Variants in MLH3 observed in about 807,000 individuals in gnomAD.
MLH3 encodes the protein mutL homolog 3.
In MLH3, 82 loss-of-function variants were observed where a neutral mutation model predicts 122.2. That is an observed-to-expected ratio of 0.67 (90% CI 0.56 to 0.81). The LOEUF is 0.81. Among genes scored for constraint, MLH3 ranks in the 30% least tolerant of loss-of-function variants. The pLI, the probability that MLH3 is intolerant of heterozygous loss-of-function variation, is 0.00. For missense variants in MLH3, 1,539 were observed against 1,714.5 expected (o/e 0.90, Z 1.81); for synonymous variants, 524 against 599.5 (o/e 0.87, Z 1.84).
chr14:75,018,536 G>A (rs1595022690), intron 12 of MLH3, among the ~76,000 whole-genome samples: 1 of 152,296 alleles, frequency 6.6e-6, no homozygotes. Context: ...TGCATATTAT[G>A]AAACCTAGAG....
chr14:75,039,846 CATATATATATAT>C lies in MLH3; in HGVS notation c.3570+53_3570+64del, dbSNP rs145063005. The C allele has an allele frequency of 1.3e-3, 418 of 321,794 alleles. 2 individuals carry two copies. The highest frequency in any genetic ancestry group is 7.1e-3 in the African/African-American group (202 of 28,254). 19.9% of individuals were successfully genotyped at this position (321,794 alleles called of 1,614,324 possible). ...AAATCAAATTTTAGAAGAGTTAGGC[CATATATATATAT>C]ATATATATATATATATATATATATT... On this transcript the variant is annotated intron_variant, in intron 5 of 12. Coordinates refer to ENST00000355774, the MANE Select transcript of MLH3 (RefSeq NM_001040108.2).
At chr14:75,028,327 C>T (rs1316707823) in intron 9 of MLH3, among the ~76,000 whole-genome samples, 1 of 151,886 alleles carries the variant, frequency 6.6e-6, no homozygotes, top group East Asian at 1.9e-4. Flanking sequence ...GTAGAATATG[C>T]TAAATTATTT....
chr14:75,022,301 C>A (rs183353791), intron 11 of MLH3, among the ~76,000 whole-genome samples: 11 of 152,126 alleles, frequency 7.2e-5, no homozygotes, highest in Non-Finnish European at 1.5e-4. Context: ...ACATGTACCC[C>A]CTGAACCTAA....
intron 9 of MLH3, among the ~76,000 whole-genome samples, chr14:75,028,511 G>A (rs1304597054): frequency 6.6e-6 from 1 of 150,926 alleles, no homozygotes; most frequent in Non-Finnish European, 1.5e-5. Context: ...TCCACCTTCC[G>A]GGTTCAAGCA....
intron 1 of MLH3, 46 bp from the exon 2 acceptor site, chr14:75,049,764 A>G (rs28756976): frequency 7.7e-4 from 813 of 1,060,618 alleles, no homozygotes; most frequent in Non-Finnish European, 1.1e-3. Flanking sequence ...AAGCTTTAGC[A>G]TTACACAGCA....
In MLH3 at chr14:75,039,897, A is replaced by G; in HGVS notation, c.3570+14T>C. 1.1e-6 allele frequency: 1 copy of G among 951,882 alleles called. No individual in the cohort carries two copies. Among genetic ancestry groups the G allele is most frequent in the Non-Finnish European group, 1.6e-6 (1 of 627,840 alleles). 59.0% of individuals were successfully genotyped at this position (951,882 alleles called of 1,614,324 possible). On this transcript the variant is annotated intron_variant, in intron 5 of 12. Coordinates refer to ENST00000355774, the MANE Select transcript of MLH3 (RefSeq NM_001040108.2). Reference sequence around the variant, plus strand: ...TATATATATATTTATGAGATTTTGAAGTTAATCTTTTACCTGCATTGAATG... The same window carrying G: ...TATATATATATTTATGAGATTTTGAGGTTAATCTTTTACCTGCATTGAATG...
intron 2 of MLH3, among the ~76,000 whole-genome samples, chr14:75,045,269 A>G (rs175079): frequency 0.99 from 150,251 of 152,314 alleles, 74,132 homozygotes; most frequent in East Asian, 1. Flanking sequence ...GGCGGAGGTT[A>G]TAGTGAGCCG....
intron 6 of MLH3, among the ~76,000 whole-genome samples, chr14:75,034,855 G>C (rs902316298): frequency 3.9e-5 from 6 of 151,954 alleles, no homozygotes; most frequent in Admixed American, 3.9e-4. Flanking sequence ...CTTGAGGTCA[G>C]GAATTCAAGA....
chr14:75,015,516 C>T lies in MLH3; in HGVS notation c.*1566G>A, dbSNP rs1555386072. On this transcript the variant is annotated 3_prime_UTR_variant, in exon 13 of 13. Transcript: ENST00000355774. ...TCCATGCAGCCCTCAAGCAGGGAGG[C>T]GGAGGCCCTGAGGCCACACTGCCAC... 5.5e-6 allele frequency: 1 copy of T among 183,386 alleles called. No homozygotes were observed. The highest frequency in any genetic ancestry group is 6.2e-5 in the Admixed American group (1 of 16,026). The allele number at this position is 183,386 out of a possible 1,614,324, so 11.4% of individuals were successfully genotyped here.
At chr14:75,029,908 A>G (rs1048625596) in intron 9 of MLH3, among the ~76,000 whole-genome samples, 22 of 151,994 alleles carry the variant, frequency 1.4e-4, no homozygotes, top group Non-Finnish European at 2.8e-4. Context: ...GGGGTTTGGG[A>G]AGCCAATGCA....
chr14:75,022,682 G>A, intron 11 of MLH3, 132 bp downstream of exon 11: 1 of 891,586 alleles, frequency 1.1e-6, no homozygotes, highest in South Asian at 1.3e-5. Context: ...GGTATATTCA[G>A]TTTCTTGATC....
rs1890981798 is a variant in MLH3 at position 75,030,590 on chromosome 14, T to C, written c.3940A>G (p.Asn1314Asp). 1 of 1,614,164 alleles carries C rather than the reference T, an allele frequency of 6.2e-7. No individual in the cohort carries two copies. Among genetic ancestry groups the C allele is most frequent in the Non-Finnish European group, 8.5e-7 (1 of 1,179,996 alleles). The stretch of plus-strand genomic sequence containing the variant: ...GTAGATCTTCCTCTCCGAAGTTCAT[T>C]GGCTTCTCTTTCCACAAAACATAGT... Reference protein sequence around the residue: ...VPLCFVEREANELRRGRSTVT... With the variant: ...VPLCFVEREADELRRGRSTVT... The change falls in exon 9 of 13, where the codon AAT becomes GAT. Residue 1314 changes from asparagine to aspartate, a missense_variant. Transcript: ENST00000355774.
chr14:75,016,193 C>T lies in MLH3; in HGVS notation c.*889G>A, dbSNP rs886050772. ...GCATAATGTAATAACACCAAGATACCGTTTGAAAGGGACCCAAAGAACCCT... is the reference window on the plus strand; with the variant it reads ...GCATAATGTAATAACACCAAGATACTGTTTGAAAGGGACCCAAAGAACCCT... On this transcript the variant is annotated 3_prime_UTR_variant, in exon 13 of 13. Coordinates refer to ENST00000355774, the MANE Select transcript of MLH3 (RefSeq NM_001040108.2). 1.3e-4 allele frequency: 28 copies of T among 217,874 alleles called. No homozygotes were observed. Among genetic ancestry groups the T allele is most frequent in the South Asian group, 9.3e-4 (5 of 5,354 alleles). The allele number at this position is 217,874 out of a possible 1,614,324, so 13.5% of individuals were successfully genotyped here. A position where few individuals can be genotyped will look rare whatever the true frequency, so the allele number is the denominator to read the frequency against.
At chr14:75,031,036 G>C (rs1226803512) in intron 8 of MLH3, among the ~76,000 whole-genome samples, 2 of 152,216 alleles carry the variant, frequency 1.3e-5, no homozygotes, top group East Asian at 3.8e-4. Flanking sequence ...GTCTGAGAGT[G>C]ATTTGAATCA....
At chr14:75,021,233 C>T (rs1452688381) in intron 11 of MLH3, among the ~76,000 whole-genome samples, 3 of 152,190 alleles carry the variant, frequency 2.0e-5, no homozygotes, top group Non-Finnish European at 4.4e-5. Context: ...CCATTCTGGA[C>T]GTAGGCCTTG....
rs376301349 is a variant in MLH3 at position 75,018,837 on chromosome 14, C to G, written c.4234G>C (p.Glu1412Gln). Residue 1412 changes from glutamate (E) to glutamine (Q), a missense_variant, in exon 12 of 13, where the codon GAA becomes CAA. Coordinates refer to ENST00000355774, the MANE Select transcript of MLH3 (RefSeq NM_001040108.2). The part of the protein sequence containing the change: ...PLADIDHLEQ[E>Q]KQIKPNLTKL... ...GTTAGTCATTAATGTACCTGTTTTTCCTGTTCCAAGTGGTCTATGTCAGCT... is the reference window on the plus strand; with the variant it reads ...GTTAGTCATTAATGTACCTGTTTTTGCTGTTCCAAGTGGTCTATGTCAGCT... The G allele has an allele frequency of 1.4e-5, 22 of 1,614,054 alleles. No homozygotes were observed. Among genetic ancestry groups the G allele is most frequent in the Admixed American group, 5.0e-5 (3 of 60,004 alleles).
In MLH3 at chr14:75,022,063, A is replaced by G. The variant is rs1890314681; in HGVS notation, c.4090+751T>C. ...AGCTAGAGGCCATCATCCTAAGTGA[A>G]TTAGAAAACCAAATACTGCATGTTC... On this transcript the variant is annotated intron_variant, in intron 11 of 12. Transcript: ENST00000355774. 2.0e-5 allele frequency among the ~76,000 whole-genome samples: 3 copies of G among 152,244 alleles called. No homozygotes were observed. In the South Asian group the frequency reaches 6.2e-4, roughly 31 times the overall value.
Position 75,049,377 on chromosome 14 carries a change from T to C in MLH3, c.279A>G (p.Arg93=). The stretch of plus-strand genomic sequence containing the variant: ...CAGCAATATTTGCCAAGGCCTCTCC[T>C]CGGAAACCATAAAACCTTGGATTCT... ...DLENPRFYGF[R]GEALANIADM... Residue 93 remains arginine, a synonymous_variant, in exon 2 of 13, where the codon CGA becomes CGG. Coordinates refer to ENST00000355774, the MANE Select transcript of MLH3 (RefSeq NM_001040108.2). 6.2e-7 allele frequency: 1 copy of C among 1,614,028 alleles called. No individual in the cohort carries two copies. The highest frequency in any genetic ancestry group is 8.5e-7 in the Non-Finnish European group (1 of 1,180,028).
rs17782839 is a variant in MLH3, at chr14:75,046,760, A to T, written c.2896T>A (p.Ser966Thr). 1.2e-6 allele frequency: 2 copies of T among 1,614,182 alleles called. No individual in the cohort carries two copies. Among genetic ancestry groups the T allele is most frequent in the Admixed American group, 3.3e-5 (2 of 60,024 alleles). ...TAGGGCAATACCAAAGGAGTTTCTG[A>T]TATCACACAGTTCTCTGTTGTATTG... Reference protein sequence around the residue: ...NSNTTENCVISETPLVLPYNN... With the variant: ...NSNTTENCVITETPLVLPYNN... Residue 966 changes from serine (S) to threonine (T), a missense_variant, in exon 2 of 13, where the codon TCA becomes ACA. Transcript: ENST00000355774.
Sources: allele counts gnomAD v4.1 joint callset (sites outside exome capture counted in the v4.1 genomes callset), GRCh38; gene constraint gnomAD v4.1.1; transcripts MANE v1.5; gene names NCBI Gene and HGNC (gene_info 2026-07-23, HGNC 2026-07-21).